Variants in PEBP1 observed in about 807,000 individuals in gnomAD.
The protein encoded by PEBP1 is phosphatidylethanolamine binding protein 1.
Under a neutral mutation model 22.7 loss-of-function variants are expected in PEBP1, and 17 were observed. That is an observed-to-expected ratio of 0.75 (90% CI 0.51 to 1.12). The LOEUF (loss-of-function observed/expected upper bound fraction) is 1.12. Among genes scored for constraint, PEBP1 ranks in the 50% most tolerant of loss-of-function variants. PEBP1 has a pLI of 0.00. For missense variants in PEBP1, 205 were observed against 243.5 expected, an observed-to-expected ratio of 0.84 and a Z score of 1.05; for synonymous variants, 106 against 104.3, an observed-to-expected ratio of 1.02 and a Z score of -0.10.
At chr12:118,144,164 C>G (rs1368414161) in intron 3 of PEBP1, among the ~76,000 whole-genome samples, 1 of 152,014 alleles carries the variant, frequency 6.6e-6, no homozygotes, top group Non-Finnish European at 1.5e-5. Context: ...TCCTACCTGA[C>G]AGAAGTGAAA....
At position 118,144,793 on chromosome 12, in the gene PEBP1, C is replaced by T. The variant is rs772605098; in HGVS notation, c.554C>T (p.Ser185Phe). The change falls in exon 4 of 4, where the codon TCT (serine) becomes TTT (phenylalanine). Residue 185 changes from serine to phenylalanine, a missense_variant. By Grantham distance (155) the Ser-to-Phe change is radical (BLOSUM62 -2). Coordinates refer to ENST00000261313, the MANE Select transcript of PEBP1 (RefSeq NM_002567.4). ...GTGCCCAAACTGTACGAGCAGCTGT[C>T]TGGGAAGTAGGGGGTTAGCTTGGGG... The part of the protein sequence containing the change: ...DYVPKLYEQL[S>F]GK 1 of 1,614,048 alleles carries T rather than the reference C, an allele frequency of 6.2e-7. No individual in the cohort carries two copies. The highest frequency in any genetic ancestry group is 1.1e-5 in the South Asian group (1 of 91,072).
chr12:118,136,179 C>T lies in PEBP1; in HGVS notation c.-31C>T. Reference sequence around the variant, plus strand: ...CGCCCGCGCCTGGCCTACCGCGGCACTCCCGGCTGCACGCTCTGCTTGGCC... The same window carrying T: ...CGCCCGCGCCTGGCCTACCGCGGCATTCCCGGCTGCACGCTCTGCTTGGCC... On this transcript the variant is annotated 5_prime_UTR_variant, in exon 1 of 4. Transcript: ENST00000261313. The surrounding 1 kb of genome is among the most constrained non-coding windows in gnomAD (Gnocchi z 5.6). 6.5e-7 allele frequency: 1 copy of T among 1,540,638 alleles called. No individual in the cohort carries two copies. Among genetic ancestry groups the T allele is most frequent in the East Asian group, 2.5e-5 (1 of 40,740 alleles).
rs1348640462 is a variant in PEBP1, at chr12:118,136,302, G to A, written c.93G>A (p.Gly31=). Residue 31 remains glycine, a synonymous_variant, in exon 1 of 4, where the codon GGG becomes GGA. Coordinates refer to ENST00000261313, the MANE Select transcript of PEBP1 (RefSeq NM_002567.4). This position sits in a 1 kb window ranked among gnomAD's most constrained non-coding sequence, Gnocchi z 5.6. ...PQHPLHVTYA[G]AAVDELGKVL... is the part of the protein sequence containing the mutation. ...ACCCGCTGCATGTCACCTACGCCGG[G>A]GCGGCGGTGGACGAGCTGGGCAAAG... 1.9e-6 allele frequency: 3 copies of A among 1,546,100 alleles called. No individual in the cohort carries two copies. The Admixed American group carries it at 5.9e-5, about 30-fold the overall frequency.
chr12:118,139,425 C>T, intron 2 of PEBP1, 26 bp from the exon 3 acceptor site: 1 of 1,527,756 alleles, frequency 6.5e-7, no homozygotes, highest in Non-Finnish European at 9.1e-7. Flanking sequence ...TCCTGTGGTG[C>T]TGACATCCCG....
chr12:118,140,224 G>A (rs944124003), intron 3 of PEBP1, among the ~76,000 whole-genome samples: 1 of 152,126 alleles, frequency 6.6e-6, no homozygotes, highest in Non-Finnish European at 1.5e-5. Flanking sequence ...TTATTGCCTG[G>A]TGTTCAGTTC....
At position 118,145,046 on chromosome 12, in the gene PEBP1, TG is replaced by T; in HGVS notation, c.*247del. The stretch of plus-strand genomic sequence containing the variant: ...TTTGGGGGGTATTTTGGTACTGTGA[TG>T]GGGTCATCAAATTATTAATCTGAAA... On this transcript the variant is annotated 3_prime_UTR_variant, in exon 4 of 4. Coordinates refer to ENST00000261313, the MANE Select transcript of PEBP1 (RefSeq NM_002567.4). The T allele has an allele frequency of 6.9e-7, 1 of 1,443,758 alleles. No individual in the cohort carries two copies. Among genetic ancestry groups the T allele is most frequent in the Non-Finnish European group, 9.2e-7 (1 of 1,084,498 alleles). 89.4% of individuals were successfully genotyped at this position (1,443,758 alleles called of 1,614,324 possible). A position where few individuals can be genotyped will look rare whatever the true frequency, so the allele number is the denominator to read the frequency against.
chr12:118,141,868 C>T (rs199682484), intron 3 of PEBP1, among the ~76,000 whole-genome samples: 5 of 152,256 alleles, frequency 3.3e-5, no homozygotes, highest in East Asian at 1.9e-4. Flanking sequence ...GTAATATTCC[C>T]GTTGGTGAAC....
chr12:118,143,902 T>C (rs2034133593), intron 3 of PEBP1, among the ~76,000 whole-genome samples: 1 of 105,618 alleles, frequency 9.5e-6, no homozygotes, highest in Admixed American at 1.1e-4. Context: ...TGAGACTCCG[T>C]CTCAAAAAAA....
At chr12:118,142,534 T>C (rs1438333826) in intron 3 of PEBP1, among the ~76,000 whole-genome samples, 1 of 151,832 alleles carries the variant, frequency 6.6e-6, no homozygotes, top group African/African-American at 2.4e-5. Context: ...TGGAGTGCAG[T>C]GGTGTGATCT....
chr12:118,138,978 C>G (rs2034090784), intron 2 of PEBP1: 1 of 157,292 alleles, frequency 6.4e-6, no homozygotes, highest in African/African-American at 2.4e-5. Flanking sequence ...GGGGCTGGGT[C>G]TGCTCTTCTG....
At chr12:118,144,349 G>A (rs899806077) in intron 3 of PEBP1, among the ~76,000 whole-genome samples, 1 of 152,130 alleles carries the variant, frequency 6.6e-6, no homozygotes, top group Admixed American at 6.5e-5. Flanking sequence ...ACCAGTTACA[G>A]CAGGGGCCTA....
intron 3 of PEBP1, among the ~76,000 whole-genome samples, chr12:118,139,767 G>A (rs1368568701): frequency 6.6e-6 from 1 of 151,110 alleles, no homozygotes; most frequent in Non-Finnish European, 1.5e-5. Flanking sequence ...TTTGTGTAGA[G>A]CTGTCTCTGC....
chr12:118,141,291 AT>A (rs1229094300), intron 3 of PEBP1, among the ~76,000 whole-genome samples: 2 of 151,940 alleles, frequency 1.3e-5, no homozygotes, highest in Non-Finnish European at 2.9e-5. Flanking sequence ...TAATTTTTGT[AT>A]TTTTAGTAGA....
At chr12:118,141,069 C>G (rs1441016328) in intron 3 of PEBP1, among the ~76,000 whole-genome samples, 4 of 152,024 alleles carry the variant, frequency 2.6e-5, no homozygotes, top group African/African-American at 9.7e-5. Context: ...TTAAATTCCC[C>G]CAGAGCTAAC....
intron 3 of PEBP1, among the ~76,000 whole-genome samples, chr12:118,141,844 C>T (rs922452257): frequency 4.6e-5 from 7 of 152,112 alleles, no homozygotes; most frequent in Non-Finnish European, 7.3e-5. Context: ...ATAGTTACCC[C>T]TTTTTATTGC....
At chr12:118,138,881 T>C (rs900163216) in intron 2 of PEBP1, 1 of 152,896 alleles carries the variant, frequency 6.5e-6, no homozygotes, top group Admixed American at 6.3e-5. Context: ...ACAGAGACTG[T>C]GGCCCCCAAA....
chr12:118,139,415 TC>T, intron 2 of PEBP1, 35 bp from the exon 3 acceptor site: 1 of 1,438,390 alleles, frequency 7.0e-7, no homozygotes, highest in South Asian at 1.1e-5. Flanking sequence ...TTCCCTGATC[TC>T]CTGTGGTGCT....
At chr12:118,138,218 G>T (rs1359281253) in intron 2 of PEBP1, 70 bp downstream of exon 2, 4 of 1,056,198 alleles carry the variant, frequency 3.8e-6, no homozygotes, top group Middle Eastern at 2.0e-4. Flanking sequence ...TCCCTTGCTG[G>T]ACACAGAGAA....
rs895405437 is a variant in PEBP1, at chr12:118,136,372, G to C, written c.135+28G>C. ...ACACCGGGCGGCGGGCGTGCAGCGAGCGGCACGGCGCGGAGGCCTGTGCCG... is the reference window on the plus strand; with the variant it reads ...ACACCGGGCGGCGGGCGTGCAGCGACCGGCACGGCGCGGAGGCCTGTGCCG... On this transcript the variant is annotated intron_variant, in intron 1 of 3. Coordinates refer to ENST00000261313, the MANE Select transcript of PEBP1 (RefSeq NM_002567.4). The surrounding 1 kb of genome is among the most constrained non-coding windows in gnomAD (Gnocchi z 5.6). 1 of 1,528,346 alleles carries C rather than the reference G, an allele frequency of 6.5e-7. No homozygotes were observed. Among genetic ancestry groups the C allele is most frequent in the Non-Finnish European group, 8.8e-7 (1 of 1,142,230 alleles). The allele number at this position is 1,528,346 out of a possible 1,614,324, so 94.7% of individuals were successfully genotyped here.
Sources: gnomAD v4.1 joint callset for allele counts (sites outside exome capture counted in the v4.1 genomes callset) on GRCh38, gnomAD v4.1.1 for gene constraint, Gnocchi (gnomAD v3.1) non-coding constraint, MANE v1.5 for transcripts, NCBI Gene and HGNC (gene_info 2026-07-23, HGNC 2026-07-21) for gene names.